The following ZNF503 variants were observed in gnomAD, a reference collection of about 807,000 sequenced individuals.
The protein encoded by ZNF503 is NocA-like zinc finger 2.
In ZNF503, 15 loss-of-function variants were observed where a neutral mutation model predicts 34.4. That is an observed-to-expected ratio of 0.44 (90% confidence interval 0.29 to 0.67). The LOEUF (loss-of-function observed/expected upper bound fraction) is 0.67. Among genes scored for constraint, ZNF503 ranks in the 30% least tolerant of loss-of-function variants. The pLI is 0.13. For missense variants in ZNF503, 1,007 were observed against 926.8 expected, an observed-to-expected ratio of 1.09 and a Z score of -1.12; for synonymous variants, 580 against 456.8, an observed-to-expected ratio of 1.27 and a Z score of -3.44.
the ZNF503 span, among the ~76,000 whole-genome samples, chr10:75,363,631 C>T: frequency 6.6e-6 from 1 of 152,208 alleles, no homozygotes; most frequent in African/African-American, 2.4e-5. Context: ...CCCTAGGGGG[C>T]ACTATTCATT....
the ZNF503 span, among the ~76,000 whole-genome samples, chr10:75,287,452 C>T: frequency 9.7e-3 from 1,478 of 152,248 alleles, 11 homozygotes; most frequent in Non-Finnish European, 0.018. Context: ...TCCTGACCCC[C>T]CTTCTGGCTT....
intron 1 of ZNF503, 100 bp downstream of exon 1, chr10:75,401,005 C>T: frequency 6.5e-7 from 1 of 1,535,788 alleles, no homozygotes; most frequent in Non-Finnish European, 8.8e-7. Flanking sequence ...AGCTGAATCA[C>T]TCCGACCCCC....
the ZNF503 span, among the ~76,000 whole-genome samples, chr10:75,388,765 C>T: frequency 6.6e-6 from 1 of 152,208 alleles, no homozygotes; most frequent in Admixed American, 6.5e-5. Context: ...CAGTTGATCA[C>T]ACAGAGTAGT....
At chr10:75,353,252 T>G in the ZNF503 span, among the ~76,000 whole-genome samples, 49 of 152,350 alleles carry the variant, frequency 3.2e-4, no homozygotes, top group East Asian at 1.2e-3. Context: ...CAGTGCCGTG[T>G]GCCTCCATTC....
At chr10:75,351,050 T>G in the ZNF503 span, among the ~76,000 whole-genome samples, 1 of 152,234 alleles carries the variant, frequency 6.6e-6, no homozygotes, top group Non-Finnish European at 1.5e-5. Context: ...TCAGGTTGTT[T>G]CCAATTCTTT....
the ZNF503 span, among the ~76,000 whole-genome samples, chr10:75,337,739 A>G: frequency 6.6e-6 from 1 of 152,216 alleles, no homozygotes; most frequent in African/African-American, 2.4e-5. Flanking sequence ...ATGAAGCAGA[A>G]AGCCAGAGAA....
the ZNF503 span, among the ~76,000 whole-genome samples, chr10:75,325,063 T>C: frequency 6.6e-6 from 1 of 152,236 alleles, no homozygotes; most frequent in Non-Finnish European, 1.5e-5. Context: ...AATATTCATG[T>C]ACATGTTTTT....
rs1202700296 is a variant in ZNF503, at chr10:75,397,864, G to A, written c.*885C>T. On this transcript the variant is annotated 3_prime_UTR_variant, in exon 2 of 2. Coordinates refer to ENST00000372524, the MANE Select transcript of ZNF503 (RefSeq NM_032772.6). ...AACCCTTTAATACATCAAATATACG[G>A]AATTTTAATCTTTAAAGCGATACAT... 4 of 152,610 alleles carry A rather than the reference G, an allele frequency of 2.6e-5. No individual in the cohort carries two copies. The highest frequency in any genetic ancestry group is 5.9e-5 in the Non-Finnish European group (4 of 68,046). 9.5% of individuals were successfully genotyped at this position (152,610 alleles called of 1,614,324 possible). A position where few individuals can be genotyped will look rare whatever the true frequency, so the allele number is the denominator to read the frequency against.
chr10:75,381,152 T>C, the ZNF503 span, among the ~76,000 whole-genome samples: 9 of 152,240 alleles, frequency 5.9e-5, no homozygotes, highest in Admixed American at 1.3e-4. Context: ...GACCGAATTC[T>C]GGCCAATAAG....
At chr10:75,388,228 C>A in the ZNF503 span, among the ~76,000 whole-genome samples, 1 of 152,180 alleles carries the variant, frequency 6.6e-6, no homozygotes, top group East Asian at 1.9e-4. Context: ...CAGGTGGGGC[C>A]AGTGGTGAGC....
the ZNF503 span, among the ~76,000 whole-genome samples, chr10:75,313,208 G>A: frequency 6.6e-6 from 1 of 152,142 alleles, no homozygotes; most frequent in Non-Finnish European, 1.5e-5. Flanking sequence ...GGCAAAATAG[G>A]GGTTTTTTTG....
At chr10:75,297,273 G>A in the ZNF503 span, among the ~76,000 whole-genome samples, 4 of 151,450 alleles carry the variant, frequency 2.6e-5, no homozygotes, top group South Asian at 2.1e-4. Flanking sequence ...CCCCACCCCC[G>A]ACTCTAGCTA....
the ZNF503 span, among the ~76,000 whole-genome samples, chr10:75,344,327 C>G: frequency 6.6e-6 from 1 of 152,354 alleles, no homozygotes; most frequent in South Asian, 2.1e-4. Flanking sequence ...CAACATTCCA[C>G]TTACGTTCAT....
At position 75,400,078 on chromosome 10, in the gene ZNF503, A is replaced by ACCCCCCC; in HGVS notation, c.611_612insGGGGGGG (p.Val205GlyfsTer83). 13 of 1,538,086 alleles carry ACCCCCCC rather than the reference A, an allele frequency of 8.5e-6. No homozygotes were observed. The highest frequency in any genetic ancestry group is 1.0e-5 in the Non-Finnish European group (12 of 1,145,156). ...GGAATCCCGACTTCTCCGACGAAAC[A>ACCCCCCC]CCCCCGCCGCCGCCCCCGCCACCGC... On this transcript the variant is annotated frameshift_variant, in exon 2 of 2. Coordinates refer to ENST00000372524, the MANE Select transcript of ZNF503 (RefSeq NM_032772.6). LOFTEE classifies it high-confidence loss of function.
chr10:75,332,721 T>C, the ZNF503 span, among the ~76,000 whole-genome samples: 3 of 148,296 alleles, frequency 2.0e-5, no homozygotes, highest in Non-Finnish European at 4.5e-5. Flanking sequence ...ATAAAGCACA[T>C]CTTGCACCGC....
At chr10:75,400,896 G>C (rs1264654331) in intron 1 of ZNF503, 2 of 722,614 alleles carry the variant, frequency 2.8e-6, no homozygotes, top group Admixed American at 2.9e-5. Flanking sequence ...ACAAGTATTG[G>C]CAGCCTTGCT....
At chr10:75,356,383 T>C in the ZNF503 span, among the ~76,000 whole-genome samples, 9 of 152,202 alleles carry the variant, frequency 5.9e-5, no homozygotes, top group African/African-American at 1.9e-4. Context: ...GCCTGGCTAA[T>C]TTTTTGTATT....
chr10:75,324,138 G>A, the ZNF503 span, among the ~76,000 whole-genome samples: 1 of 151,912 alleles, frequency 6.6e-6, no homozygotes, highest in African/African-American at 2.4e-5. Context: ...TCTTTTAACA[G>A]TGTCATTTGC....
At chr10:75,386,156 G>A in the ZNF503 span, among the ~76,000 whole-genome samples, 1 of 152,340 alleles carries the variant, frequency 6.6e-6, no homozygotes, top group South Asian at 2.1e-4. Context: ...TTGCAGCTGG[G>A]TGTAGCCACG....
Sources: allele counts gnomAD v4.1 joint callset (sites outside exome capture counted in the v4.1 genomes callset), GRCh38; gene constraint gnomAD v4.1.1; transcripts MANE v1.5; gene names NCBI Gene and HGNC (gene_info 2026-07-23, HGNC 2026-07-21).